Variants in CYGB observed in about 807,000 individuals in gnomAD.
The protein encoded by CYGB is histoglobin.
A neutral mutation model predicts 20.7 loss-of-function variants in CYGB; 13 were observed. The ratio of observed to expected loss-of-function variants is 0.63; its 90% CI spans 0.41 to 1.00. CYGB has a LOEUF of 1.00. Ranked by LOEUF, CYGB falls within the 50% of genes least tolerant of loss-of-function variation. The pLI, the probability that CYGB is intolerant of heterozygous loss-of-function variation, is 0.00. For missense variants in CYGB, 218 were observed against 257.2 expected (o/e 0.85, Z 1.04); for synonymous variants, 93 against 107.4 (o/e 0.87, Z 0.83).
chr17:76,543,524 A>G lies in CYGB; in HGVS notation c.-53+7338T>C, dbSNP rs1041071684. 6 of 349,348 alleles carry G rather than the reference A, an allele frequency of 1.7e-5. No individual in the cohort carries two copies. In the East Asian group the frequency reaches 4.5e-4, roughly 26 times the overall value. 21.6% of individuals were successfully genotyped at this position (349,348 alleles called of 1,614,324 possible). On this transcript the variant is annotated intron_variant, in intron 1 of 3. Transcript: ENST00000589145. ...ATTATCCACAATTTCTAAATGGGGA[A>G]ACACAGAGACAGGTTAAATAATTTG... is the stretch of plus-strand genomic sequence containing the variant.
Position 76,528,800 on chromosome 17 carries a change from A to G in CYGB, c.540-189T>C. The G allele has an allele frequency of 9.3e-7, 1 of 1,072,894 alleles. No homozygotes were observed. The highest frequency in any genetic ancestry group is 1.6e-5 in the African/African-American group (1 of 61,186). The allele number at this position is 1,072,894 out of a possible 1,614,324, so 66.5% of individuals were successfully genotyped here. ...TGCTACGAACGTGCTGTGTGATCTC[A>G]GGCAAGTCTACTGGCCCATGGGAGC... On this transcript the variant is annotated intron_variant, in intron 3 of 3. Coordinates refer to ENST00000293230, the MANE Select transcript of CYGB (RefSeq NM_134268.5). The surrounding 1 kb of genome is among the most constrained non-coding windows in gnomAD (Gnocchi z 5.8).
At chr17:76,548,498 G>A (rs1378914068) in intron 1 of CYGB, among the ~76,000 whole-genome samples, 1 of 152,208 alleles carries the variant, frequency 6.6e-6, no homozygotes, top group African/African-American at 2.4e-5. Context: ...CTATAGGAAG[G>A]CCCCAGCCTC....
At position 76,528,752 on chromosome 17, in the gene CYGB, G is replaced by T; in HGVS notation, c.540-141C>A. On this transcript the variant is annotated intron_variant, in intron 3 of 3. Coordinates refer to ENST00000293230, the MANE Select transcript of CYGB (RefSeq NM_134268.5). The surrounding 1 kb of genome is among the most constrained non-coding windows in gnomAD (Gnocchi z 5.8). ...ACAGTGCAGTTGAAAGCAACCGTGA[G>T]ACCCAAGTTCTAGTCTCCGTCCTGC... is the stretch of plus-strand genomic sequence containing the variant. 2 of 1,031,292 alleles carry T rather than the reference G, an allele frequency of 1.9e-6. No individual in the cohort carries two copies. Among genetic ancestry groups the T allele is most frequent in the Non-Finnish European group, 2.5e-6 (2 of 795,130 alleles). The allele number at this position is 1,031,292 out of a possible 1,614,324, so 63.9% of individuals were successfully genotyped here. A position where few individuals can be genotyped will look rare whatever the true frequency, so the allele number is the denominator to read the frequency against.
At chr17:76,542,451 T>G, upstream of CYGB, 4 of 1,343,716 alleles carry the variant, frequency 3.0e-6, no homozygotes, top group Non-Finnish European at 4.3e-6. Context: ...CCCCTCAATA[T>G]TGGGGTGAAT....
chr17:76,534,520 C>T (rs1187458024), intron 1 of CYGB, among the ~76,000 whole-genome samples: 1 of 152,210 alleles, frequency 6.6e-6, no homozygotes, highest in Non-Finnish European at 1.5e-5. Flanking sequence ...GGTATTACCT[C>T]TATTTTACTG....
rs368950993 is a variant in CYGB at position 76,531,699 on chromosome 17, G to A, written c.144-8C>T. 1.6e-5 allele frequency: 26 copies of A among 1,587,620 alleles called. No homozygotes were observed. The African/African-American group carries it at 2.9e-4, about 18-fold the overall frequency. ...GGGAAGTTCACAAAGAACCTGGCAA[G>A]AGGAACAGGGGTGGTCGCTGAAGCT... On this transcript the variant is annotated splice_polypyrimidine_tract_variant and splice_region_variant and intron_variant, in intron 1 of 3. Coordinates refer to ENST00000293230, the MANE Select transcript of CYGB (RefSeq NM_134268.5). This position sits in a 1 kb window ranked among gnomAD's most constrained non-coding sequence, Gnocchi z 7.4.
At position 76,528,335 on chromosome 17, in the gene CYGB, G is replaced by A. The variant is rs1193982336; in HGVS notation, c.*243C>T. ...CTAGGTCTCTCTCTAACAGTGAGTA[G>A]AAAAGCTAAGAAGAGTGGGCCCCGC... On this transcript the variant is annotated 3_prime_UTR_variant, in exon 4 of 4. Transcript: ENST00000293230. This position sits in a 1 kb window ranked among gnomAD's most constrained non-coding sequence, Gnocchi z 5.8. 9.9e-6 allele frequency: 4 copies of A among 404,394 alleles called. No individual in the cohort carries two copies. The highest frequency in any genetic ancestry group is 3.6e-5 in the East Asian group (1 of 28,090). The allele number at this position is 404,394 out of a possible 1,614,324, so 25.1% of individuals were successfully genotyped here. A position where few individuals can be genotyped will look rare whatever the true frequency, so the allele number is the denominator to read the frequency against.
In CYGB at chr17:76,537,616, C is replaced by T. The variant is rs535258008; in HGVS notation, c.-74G>A. 1.6e-3 allele frequency: 1,606 copies of T among 994,632 alleles called. 23 individuals are homozygous for T. In the African/African-American group the frequency reaches 0.027, roughly 17 times the overall value. 61.6% of individuals were successfully genotyped at this position (994,632 alleles called of 1,614,324 possible). On this transcript the variant is annotated 5_prime_UTR_variant, in exon 1 of 4. Coordinates refer to ENST00000293230, the MANE Select transcript of CYGB (RefSeq NM_134268.5). ...GGCGCGGGGCGCGGGGCGCGGGGCG[C>T]CGGGAGCCGGGGCCGGCTGCGTGCG...
chr17:76,534,756 G>C (rs766318875), intron 1 of CYGB, among the ~76,000 whole-genome samples: 4 of 152,196 alleles, frequency 2.6e-5, no homozygotes, highest in Non-Finnish European at 4.4e-5. Flanking sequence ...CCAGGGGATC[G>C]TGGCCTGGTA....
chr17:76,544,860 C>T (rs536664663), intron 1 of CYGB: 19 of 456,820 alleles, frequency 4.2e-5, no homozygotes, highest in South Asian at 1.7e-4. Flanking sequence ...AGCTGGCTCA[C>T]GGCCCAGACG....
At chr17:76,540,337 T>C, upstream of CYGB, 1 of 1,323,608 alleles carries the variant, frequency 7.6e-7, no homozygotes, top group Non-Finnish European at 1.1e-6. The surrounding 1 kb of genome is among the most constrained non-coding windows in gnomAD (Gnocchi z 5.0). Context: ...GGGAGGGCAT[T>C]TTGAGGAACC....
In CYGB at chr17:76,537,665, C is replaced by T; in HGVS notation, c.-123G>A. 2.3e-6 allele frequency: 2 copies of T among 888,084 alleles called. No homozygotes were observed. Among genetic ancestry groups the T allele is most frequent in the Non-Finnish European group, 2.7e-6 (2 of 745,696 alleles). 55.0% of individuals were successfully genotyped at this position (888,084 alleles called of 1,614,324 possible). On this transcript the variant is annotated 5_prime_UTR_variant, in exon 1 of 4. Coordinates refer to ENST00000293230, the MANE Select transcript of CYGB (RefSeq NM_134268.5). ...CGCGGCGGGCGGGCGAGGGGTAGAGCGCGGAGGGAGGGAGCGTGTGTCTGT... is the reference window on the plus strand; with the variant it reads ...CGCGGCGGGCGGGCGAGGGGTAGAGTGCGGAGGGAGGGAGCGTGTGTCTGT...
chr17:76,528,576 T>A lies in CYGB; in HGVS notation c.*2A>T. ...CCAGGGAGGGGGGTGGAGTTAGGGG[T>A]CCTACGGCCCCGAAGAGGGCAGTGT... On this transcript the variant is annotated 3_prime_UTR_variant, in exon 4 of 4. Transcript: ENST00000293230. The surrounding 1 kb of genome is among the most constrained non-coding windows in gnomAD (Gnocchi z 5.8). 7.8e-7 allele frequency: 1 copy of A among 1,284,702 alleles called. No individual in the cohort carries two copies. Among genetic ancestry groups the A allele is most frequent in the Non-Finnish European group, 9.9e-7 (1 of 1,008,296 alleles). The allele number at this position is 1,284,702 out of a possible 1,614,324, so 79.6% of individuals were successfully genotyped here. A position where few individuals can be genotyped will look rare whatever the true frequency, so the allele number is the denominator to read the frequency against.
At chr17:76,536,727 C>T (rs1456016050) in intron 1 of CYGB, among the ~76,000 whole-genome samples, 1 of 152,126 alleles carries the variant, frequency 6.6e-6, no homozygotes, top group African/African-American at 2.4e-5. Context: ...GGGTTAGGCC[C>T]TGTCTCCTGA....
At chr17:76,550,809 G>A (rs1298689717) in intron 1 of CYGB, 1 of 152,234 alleles carries the variant, frequency 6.6e-6, no homozygotes, top group Non-Finnish European at 1.5e-5. Context: ...ACAGTGGGAT[G>A]AGTGTTCAAA....
At chr17:76,541,728 G>A (rs578053807), upstream of CYGB, among the ~76,000 whole-genome samples, 12 of 152,272 alleles carry the variant, frequency 7.9e-5, no homozygotes, top group African/African-American at 2.6e-4. Context: ...GGCCTCCCCC[G>A]ATAGGAGGCC....
rs780769869 is a variant in CYGB, at chr17:76,537,426, C to T, written c.117G>A (p.Glu39=). The T allele has an allele frequency of 4.1e-5, 66 of 1,598,530 alleles. No homozygotes were observed. Among genetic ancestry groups the T allele is most frequent in the Non-Finnish European group, 5.5e-5 (64 of 1,172,940 alleles). ...AMWARLYANC[E]DVGVAILVRF... ...TCACCAGGATGGCCACCCCCACGTC[C>T]TCGCAGTTGGCATAGAGCCGGGCCC... is the stretch of plus-strand genomic sequence containing the variant. The change falls in exon 1 of 4, where the codon GAG becomes GAA. Residue 39 remains glutamate (E), a synonymous_variant. Coordinates refer to ENST00000293230, the MANE Select transcript of CYGB (RefSeq NM_134268.5).
chr17:76,529,913 G>C (rs561667310), intron 3 of CYGB: 14 of 985,336 alleles, frequency 1.4e-5, no homozygotes, highest in African/African-American at 5.2e-5. Flanking sequence ...TGACGGGAGA[G>C]GGGGGAGGGG....
At chr17:76,547,643 T>TCACA (rs56118010) in intron 1 of CYGB, among the ~76,000 whole-genome samples, 5 of 149,864 alleles carry the variant, frequency 3.3e-5, no homozygotes, top group South Asian at 4.2e-4. Context: ...ACACACACAT[T>TCACA]CACACACACA....
Sources: allele counts gnomAD v4.1 joint callset (sites outside exome capture counted in the v4.1 genomes callset), GRCh38; gene constraint gnomAD v4.1.1; non-coding constraint Gnocchi (gnomAD v3.1); transcripts MANE v1.5; gene names NCBI Gene and HGNC (gene_info 2026-07-23, HGNC 2026-07-21).